Variants in SMARCA1 observed in about 807,000 individuals in gnomAD.
SMARCA1 encodes SWI/SNF-related matrix-associated actin-dependent regulator of chromatin subfamily A member 1.
A neutral mutation model predicts 93.6 loss-of-function variants in SMARCA1; 17 were observed. That is an observed-to-expected ratio of 0.18 (90% CI 0.12 to 0.27). The LOEUF is 0.27. Ranked by LOEUF, SMARCA1 falls within the 10% of genes least tolerant of loss-of-function variation. The probability of loss-of-function intolerance (pLI) is 1.00; values close to 1 mark genes in which losing one functional copy is unlikely to be tolerated. For synonymous variants in SMARCA1, 271 were observed against 271.4 expected (o/e 1.00, Z 0.01); for missense variants, 630 against 819.0 (o/e 0.77, Z 2.82).
At chrX:129,513,146 C>G (rs931200140) in intron 5 of SMARCA1, among the ~76,000 whole-genome samples, 3 of 111,748 alleles carry the variant, frequency 2.7e-5, no homozygotes, top group African/African-American at 9.8e-5. Flanking sequence ...TTCTAAGTAG[C>G]AGAATTATAA....
intron 6 of SMARCA1, among the ~76,000 whole-genome samples, chrX:129,511,210 CT>C (rs1375712835): frequency 9.0e-6 from 1 of 111,272 alleles, no homozygotes; most frequent in African/African-American, 3.3e-5. Flanking sequence ...AAACACCCCC[CT>C]AAAATGCCCA....
intron 23 of SMARCA1, among the ~76,000 whole-genome samples, chrX:129,454,400 A>T (rs1417748077): frequency 8.9e-6 from 1 of 112,369 alleles, no homozygotes; most frequent in Non-Finnish European, 1.9e-5. Context: ...TTCGTGAGTA[A>T]AACACCAAAA....
intron 5 of SMARCA1, among the ~76,000 whole-genome samples, chrX:129,513,608 A>G (rs1016257431): frequency 9.3e-6 from 1 of 107,321 alleles, no homozygotes; most frequent in Non-Finnish European, 1.9e-5. Flanking sequence ...TATAATACAT[A>G]TATCTGATAT....
intron 1 of SMARCA1, among the ~76,000 whole-genome samples, chrX:129,522,414 C>T (rs1455266751): frequency 9.2e-6 from 1 of 108,218 alleles, no homozygotes; most frequent in Non-Finnish European, 1.9e-5. Flanking sequence ...ATTGAGGGAC[C>T]ATTGGGGTGG....
intron 17 of SMARCA1, among the ~76,000 whole-genome samples, chrX:129,483,169 G>A (rs1367144484): frequency 8.9e-6 from 1 of 112,262 alleles, no homozygotes; most frequent in African/African-American, 3.2e-5. Flanking sequence ...TTATGTGCAA[G>A]TCAGTGTCAG....
intron 10 of SMARCA1, 39 bp downstream of exon 10, chrX:129,499,693 T>C: frequency 2.6e-6 from 2 of 760,966 alleles, no homozygotes; most frequent in Non-Finnish European, 3.9e-6. Flanking sequence ...AGTAAATTCT[T>C]ACACACAAAT....
intron 6 of SMARCA1, among the ~76,000 whole-genome samples, chrX:129,510,319 C>T (rs920093926): frequency 3.6e-5 from 4 of 112,508 alleles, no homozygotes; most frequent in Non-Finnish European, 7.5e-5. Flanking sequence ...AATTGTTTTA[C>T]CAAGTACTAA....
At chrX:129,470,794 G>A (rs1933083374) in intron 20 of SMARCA1, among the ~76,000 whole-genome samples, 1 of 111,438 alleles carries the variant, frequency 9.0e-6, no homozygotes, top group African/African-American at 3.3e-5. Context: ...ACTTGAACCT[G>A]GGAGGTGGAG....
chrX:129,472,825 AT>A (rs1569430988), intron 19 of SMARCA1, among the ~76,000 whole-genome samples: 2 of 111,946 alleles, frequency 1.8e-5, no homozygotes, highest in Non-Finnish European at 3.8e-5. Context: ...AATGAGCAGC[AT>A]TTCCTTTGGA....
chrX:129,520,458 C>T (rs1014699106), intron 1 of SMARCA1, among the ~76,000 whole-genome samples: 2 of 110,981 alleles, frequency 1.8e-5, no homozygotes, highest in Non-Finnish European at 3.8e-5. Flanking sequence ...TAATTCTCAT[C>T]TACTGTATTC....
intron 23 of SMARCA1, among the ~76,000 whole-genome samples, chrX:129,464,581 T>C (rs1466632077): frequency 8.9e-6 from 1 of 112,248 alleles, no homozygotes; most frequent in African/African-American, 3.2e-5. Flanking sequence ...TAAGCTAAAA[T>C]AAAATATCTC....
intron 1 of SMARCA1, among the ~76,000 whole-genome samples, 175 bp downstream of exon 1, chrX:129,523,022 G>A (rs1935465514): frequency 9.0e-6 from 1 of 111,499 alleles, no homozygotes; most frequent in African/African-American, 3.3e-5. Flanking sequence ...CGGCGAGAAG[G>A]AAAGGGGGAG....
intron 23 of SMARCA1, among the ~76,000 whole-genome samples, chrX:129,448,994 G>A (rs1932149048): frequency 9.1e-6 from 1 of 109,457 alleles, no homozygotes; most frequent in South Asian, 4.0e-4. Flanking sequence ...ACACACACGA[G>A]CGCATGTATA....
At chrX:129,504,604 A>T in intron 9 of SMARCA1, 130 bp downstream of exon 9, 10 of 229,616 alleles carry the variant, frequency 4.4e-5, no homozygotes, top group African/African-American at 6.2e-5. Flanking sequence ...CAGAAAGGTT[A>T]GGAGGGAGAA....
At chrX:129,458,072 G>T (rs751870769) in intron 23 of SMARCA1, among the ~76,000 whole-genome samples, 8 of 111,899 alleles carry the variant, frequency 7.1e-5, no homozygotes, top group Non-Finnish European at 1.5e-4. Flanking sequence ...AAATATTTTT[G>T]ACTTTTGCAG....
At chrX:129,513,740 G>C (rs1312683010) in intron 5 of SMARCA1, among the ~76,000 whole-genome samples, 3 of 109,333 alleles carry the variant, frequency 2.7e-5, no homozygotes, top group Admixed American at 2.0e-4. Flanking sequence ...CTCCCCCTCT[G>C]AGCTGACAAC....
chrX:129,478,037 T>A (rs1215573785), intron 19 of SMARCA1, among the ~76,000 whole-genome samples: 1 of 111,382 alleles, frequency 9.0e-6, no homozygotes, highest in East Asian at 2.8e-4. Flanking sequence ...CTGCCTCAGC[T>A]TTTCTCTCCC....
At position 129,506,058 on chromosome X, in the gene SMARCA1, A is replaced by G. The variant is rs1234427232; in HGVS notation, c.1098+22T>C. The G allele has an allele frequency of 5.3e-6, 6 of 1,140,226 alleles. No individual in the cohort carries two copies. In the Admixed American group the frequency reaches 9.1e-5, roughly 17 times the overall value. 94.0% of individuals were successfully genotyped at this position (1,140,226 alleles called of 1,213,427 possible). A position where few individuals can be genotyped will look rare whatever the true frequency, so the allele number is the denominator to read the frequency against. ...CAGTGAAAATAAGAAAGTTATACTTAAAACGTATGGCTTAAACTTACATCT... is the reference window on the plus strand; with the variant it reads ...CAGTGAAAATAAGAAAGTTATACTTGAAACGTATGGCTTAAACTTACATCT... On this transcript the variant is annotated intron_variant, in intron 8 of 24. Coordinates refer to ENST00000371121, the MANE Select transcript of SMARCA1 (RefSeq NM_001282874.2).
intron 19 of SMARCA1, among the ~76,000 whole-genome samples, chrX:129,475,524 A>T (rs1933342484): frequency 9.0e-6 from 1 of 110,849 alleles, no homozygotes; most frequent in South Asian, 3.8e-4. Flanking sequence ...GTCTCAAAAG[A>T]AAAAAAAAGA....
Sources: gnomAD v4.1 joint callset for allele counts (sites outside exome capture counted in the v4.1 genomes callset) on GRCh38, gnomAD v4.1.1 for gene constraint, MANE v1.5 for transcripts, NCBI Gene and HGNC (gene_info 2026-07-23, HGNC 2026-07-21) for gene names.